The following CDC25A variants were observed in gnomAD, a reference collection of about 807,000 sequenced individuals.
CDC25A encodes cell division cycle 25A, also known as M-phase inducer phosphatase 1.
Under a neutral mutation model 64.6 loss-of-function variants are expected in CDC25A, and 17 were observed. That is an observed-to-expected ratio of 0.26 (90% CI 0.18 to 0.39). The LOEUF (loss-of-function observed/expected upper bound fraction) is 0.39. CDC25A is among the 10% of genes least tolerant of loss of function. The pLI is 1.00. For missense variants in CDC25A, 473 were observed against 654.8 expected (o/e 0.72, Z 3.03); for synonymous variants, 229 against 238.6 (o/e 0.96, Z 0.37).
intron 6 of CDC25A, among the ~76,000 whole-genome samples, chr3:48,180,068 C>T (rs1322804459): frequency 6.6e-6 from 1 of 152,084 alleles, no homozygotes; most frequent in Non-Finnish European, 1.5e-5. Flanking sequence ...GCAGCCTGAG[C>T]ATTCACTGTA....
chr3:48,181,754 A>G (rs767646718), intron 5 of CDC25A: 10 of 708,580 alleles, frequency 1.4e-5, no homozygotes, highest in Non-Finnish European at 2.6e-5. Context: ...GAATGTTCAC[A>G]TTTTAAAGTT....
intron 10 of CDC25A, among the ~76,000 whole-genome samples, chr3:48,166,707 T>C (rs535920791): frequency 6.6e-6 from 1 of 152,316 alleles, no homozygotes; most frequent in East Asian, 1.9e-4. Context: ...TCCCCATGCA[T>C]AGGCCCATTA....
In CDC25A at chr3:48,186,685, C is replaced by T. The variant is rs370069962; in HGVS notation, c.247+18G>A. On this transcript the variant is annotated intron_variant, in intron 2 of 14. Coordinates refer to ENST00000302506, the MANE Select transcript of CDC25A (RefSeq NM_001789.3). ...AGGAAATTCAGAGTATTGCTCCCCA[C>T]ACAGCAGACTTAAATACCTGAATCT... 3 of 1,527,174 alleles carry T rather than the reference C, an allele frequency of 2.0e-6. No homozygotes were observed. The highest frequency in any genetic ancestry group is 1.1e-5 in the South Asian group (1 of 87,266). The allele number at this position is 1,527,174 out of a possible 1,614,324, so 94.6% of individuals were successfully genotyped here.
At chr3:48,179,591 T>C (rs957065899) in intron 6 of CDC25A, among the ~76,000 whole-genome samples, 1 of 152,168 alleles carries the variant, frequency 6.6e-6, no homozygotes, top group African/African-American at 2.4e-5. Context: ...TGTCTTGAAC[T>C]CCTGACCTCA....
chr3:48,187,675 C>A, intron 1 of CDC25A, 103 bp downstream of exon 1: 1 of 1,171,332 alleles, frequency 8.5e-7, no homozygotes, highest in Non-Finnish European at 1.2e-6. Context: ...CGAACCCGGA[C>A]GGACGGGTCT....
intron 1 of CDC25A, 101 bp downstream of exon 1, chr3:48,187,677 G>T: frequency 8.4e-7 from 1 of 1,189,604 alleles, no homozygotes; most frequent in Non-Finnish European, 1.1e-6. Context: ...AACCCGGACG[G>T]ACGGGTCTCG....
chr3:48,176,864 G>A (rs1012674872), intron 8 of CDC25A, among the ~76,000 whole-genome samples: 2 of 151,518 alleles, frequency 1.3e-5, no homozygotes, highest in Admixed American at 1.3e-4. Flanking sequence ...CCAGCTACTC[G>A]GGAGGCTGAG....
intron 6 of CDC25A, among the ~76,000 whole-genome samples, chr3:48,179,495 G>A (rs1024078119): frequency 1.3e-5 from 2 of 152,000 alleles, no homozygotes; most frequent in African/African-American, 4.8e-5. Flanking sequence ...TCAGCCTCCC[G>A]ACTAATTGGG....
intron 6 of CDC25A, 125 bp from the exon 7 acceptor site, chr3:48,178,113 G>C: frequency 2.4e-6 from 2 of 845,400 alleles, no homozygotes; most frequent in Non-Finnish European, 1.9e-6. Context: ...CAAAATTTTA[G>C]CCATTACTGA....
At chr3:48,183,110 A>G (rs950620667) in intron 4 of CDC25A, 80 bp from the exon 5 acceptor site, 8 of 962,604 alleles carry the variant, frequency 8.3e-6, no homozygotes, top group African/African-American at 1.6e-5. Context: ...AAGAAAAAAA[A>G]GGGGGGTTGA....
chr3:48,187,493 G>C (rs2032885859), intron 1 of CDC25A, among the ~76,000 whole-genome samples: 1 of 152,262 alleles, frequency 6.6e-6, no homozygotes, highest in Admixed American at 6.5e-5. Context: ...CAGGGATAGA[G>C]ATAGAAGGAG....
chr3:48,177,464 T>C, intron 7 of CDC25A, 22 bp from the exon 8 acceptor site: 1 of 1,593,684 alleles, frequency 6.3e-7, no homozygotes, highest in Non-Finnish European at 8.6e-7. Context: ...GAAAAACTGA[T>C]TTTAAAAAGA....
chr3:48,178,733 A>G (rs577901697), intron 6 of CDC25A, among the ~76,000 whole-genome samples: 10 of 152,350 alleles, frequency 6.6e-5, no homozygotes, highest in African/African-American at 1.4e-4. Context: ...TCCTGGAATT[A>G]AAATGGCGGT....
intron 9 of CDC25A, among the ~76,000 whole-genome samples, chr3:48,173,584 C>T (rs1389215021): frequency 6.6e-6 from 1 of 152,178 alleles, no homozygotes; most frequent in Non-Finnish European, 1.5e-5. Flanking sequence ...GGGGCCTCCA[C>T]CTTTGCCCAG....
chr3:48,167,319 A>G (rs1199739852), intron 10 of CDC25A, among the ~76,000 whole-genome samples: 1 of 152,222 alleles, frequency 6.6e-6, no homozygotes, highest in Admixed American at 6.5e-5. Context: ...CTATTGACAC[A>G]TTCCCTGTCC....
chr3:48,164,538 A>G (rs2031921814), intron 12 of CDC25A, 101 bp from the exon 13 acceptor site: 1 of 1,163,708 alleles, frequency 8.6e-7, no homozygotes, highest in African/African-American at 1.6e-5. Context: ...TTAAGTCCAC[A>G]AGACCAGTTT....
At chr3:48,177,727 T>C (rs2032515350) in intron 7 of CDC25A, 127 bp downstream of exon 7, 2 of 1,086,006 alleles carry the variant, frequency 1.8e-6, no homozygotes, top group East Asian at 2.4e-5. Context: ...TATCACCAAA[T>C]GAACAAAAAT....
chr3:48,167,370 A>T (rs1575262269), intron 10 of CDC25A, among the ~76,000 whole-genome samples: 1 of 152,358 alleles, frequency 6.6e-6, no homozygotes, highest in East Asian at 1.9e-4. Flanking sequence ...CATGTAGTAT[A>T]TCAGGCTATT....
chr3:48,166,594 A>G (rs2032032228), intron 10 of CDC25A, among the ~76,000 whole-genome samples: 1 of 152,258 alleles, frequency 6.6e-6, no homozygotes, highest in African/African-American at 2.4e-5. Flanking sequence ...GGTGCCAGGC[A>G]CTGGGGATAG....
Sources: allele counts gnomAD v4.1 joint callset (sites outside exome capture counted in the v4.1 genomes callset), GRCh38; gene constraint gnomAD v4.1.1; transcripts MANE v1.5; gene names NCBI Gene and HGNC (gene_info 2026-07-23, HGNC 2026-07-21).